LRRC7: variants seen among roughly 807,000 people sequenced by gnomAD.
The protein encoded by LRRC7 is leucine rich repeat containing 7.
LRRC7 carries 23 observed loss-of-function variants against 175.7 expected under a neutral mutation model. That is an observed-to-expected ratio of 0.13 (90% confidence interval 0.09 to 0.19). LRRC7 has a LOEUF of 0.19. Among genes scored for constraint, LRRC7 ranks in the 10% least tolerant of loss-of-function variants. LRRC7 has a pLI of 1.00. For missense variants in LRRC7, 1,354 were observed against 1,904.7 expected (o/e 0.71, Z 5.38); for synonymous variants, 685 against 680.9 (o/e 1.01, Z -0.09).
At chr1:69,739,558 G>A (rs780420209) in intron 2 of LRRC7, among the ~76,000 whole-genome samples, 27 of 152,022 alleles carry the variant, frequency 1.8e-4, no homozygotes, top group Admixed American at 2.6e-4. Flanking sequence ...ATAAGATTGG[G>A]AGCACACTTT....
Position 70,140,504 on chromosome 1 carries a change from A to C in LRRC7, c.*18617A>C, listed in dbSNP as rs888480740. 6.6e-6 allele frequency: 1 copy of C among 152,148 alleles called. No homozygotes were observed. The highest frequency in any genetic ancestry group is 2.4e-5 in the African/African-American group (1 of 41,444). 9.4% of individuals were successfully genotyped at this position (152,148 alleles called of 1,614,324 possible). On this transcript the variant is annotated 3_prime_UTR_variant, in exon 27 of 27. Coordinates refer to ENST00000651989, the MANE Select transcript of LRRC7 (RefSeq NM_001370785.2). ...TACATTTAATCCTTGGCTTCTTGTC[A>C]TATTTTCATTTTTCTGCACTGGTTC...
At chr1:69,633,799 A>C (rs1652890315) in intron 1 of LRRC7, among the ~76,000 whole-genome samples, 1 of 152,174 alleles carries the variant, frequency 6.6e-6, no homozygotes, top group Non-Finnish European at 1.5e-5. Context: ...TTTTTAATCT[A>C]GGGCCTGCCA....
chr1:69,624,906 T>C (rs1256470346), intron 1 of LRRC7, among the ~76,000 whole-genome samples: 1 of 152,164 alleles, frequency 6.6e-6, no homozygotes, highest in Non-Finnish European at 1.5e-5. Context: ...TGTAACCTTA[T>C]ATTAATTTAT....
chr1:69,758,603 C>G (rs1039441701), intron 2 of LRRC7, among the ~76,000 whole-genome samples: 1 of 151,946 alleles, frequency 6.6e-6, no homozygotes, highest in Non-Finnish European at 1.5e-5. Flanking sequence ...TATTTCATCA[C>G]CCAGATAATG....
chr1:70,113,324 AAAAC>A (rs1206176225), intron 26 of LRRC7, among the ~76,000 whole-genome samples: 2 of 152,300 alleles, frequency 1.3e-5, no homozygotes, highest in Non-Finnish European at 2.9e-5. Context: ...CATAAGCTAG[AAAAC>A]AAACAAAGTG....
rs1287655432 is a variant in LRRC7, at chr1:70,135,619, G to C, written c.*13732G>C. On this transcript the variant is annotated 3_prime_UTR_variant, in exon 27 of 27. Coordinates refer to ENST00000651989, the MANE Select transcript of LRRC7 (RefSeq NM_001370785.2). ...TGTGTCACCTCCCTGACAAATAAGT[G>C]AATATCCATCATATTCAAGACTTCA... Among the ~76,000 whole-genome samples, 1 of 152,144 alleles carries C rather than the reference G, an allele frequency of 6.6e-6. No homozygotes were observed. Among genetic ancestry groups the C allele is most frequent in the African/African-American group, 2.4e-5 (1 of 41,418 alleles).
chr1:69,713,533 T>TA (rs34473916), intron 2 of LRRC7, among the ~76,000 whole-genome samples: 1 of 151,992 alleles, frequency 6.6e-6, no homozygotes, highest in Non-Finnish European at 1.5e-5. Flanking sequence ...CTTTTTTTTT[T>TA]AACTATGAGA....
At chr1:69,701,511 A>G (rs979324536) in intron 2 of LRRC7, among the ~76,000 whole-genome samples, 7 of 152,050 alleles carry the variant, frequency 4.6e-5, no homozygotes, top group Admixed American at 4.6e-4. Context: ...AAAAAACCAT[A>G]CACTTCCATT....
In LRRC7 at chr1:70,132,007, TTAA is replaced by T. The variant is rs376382279; in HGVS notation, c.*10124_*10126del. On this transcript the variant is annotated 3_prime_UTR_variant, in exon 27 of 27. Transcript: ENST00000651989. ...AGACTAGGGCTGGGAAAGAGGGGAA[TTAA>T]TAAGTTATTAAGGAAGAAAGAATGA... Among the ~76,000 whole-genome samples, 128 of 152,128 alleles carry T rather than the reference TTAA, an allele frequency of 8.4e-4. No individual in the cohort carries two copies. Among genetic ancestry groups the T allele is most frequent in the African/African-American group, 2.4e-3 (101 of 41,508 alleles).
In LRRC7 at chr1:69,832,517, C is replaced by G. The variant is rs192079810; in HGVS notation, c.501-2263C>G. 5.9e-5 allele frequency among the ~76,000 whole-genome samples: 9 copies of G among 152,118 alleles called. No homozygotes were observed. In the East Asian group the frequency reaches 1.5e-3, roughly 26 times the overall value. On this transcript the variant is annotated intron_variant, in intron 5 of 26. Transcript: ENST00000651989. ...TTCACAGAAAAGGAAACAAATCTTG[C>G]TAATAAACTTTTATTCCTAACTAAT...
chr1:69,639,842 A>T (rs1256337129), intron 1 of LRRC7, among the ~76,000 whole-genome samples: 1 of 151,832 alleles, frequency 6.6e-6, no homozygotes, highest in Non-Finnish European at 1.5e-5. Context: ...ACTTTCAAGA[A>T]TCATAGTTAC....
At chr1:69,854,925 T>A (rs761500242) in intron 7 of LRRC7, among the ~76,000 whole-genome samples, 1 of 152,090 alleles carries the variant, frequency 6.6e-6, no homozygotes, top group African/African-American at 2.4e-5. Flanking sequence ...GGCTTTAGAG[T>A]GCAGCAAACA....
rs567510986 is a variant in LRRC7, at chr1:69,621,548, T to A, written c.2+52907T>A. On this transcript the variant is annotated intron_variant, in intron 1 of 26. Transcript: ENST00000651989. ...TTTCTCTCCCTAGAAAATTTCCTAG[T>A]TGAAATATCATAGTTGTTTAATAAT... 4.9e-4 allele frequency among the ~76,000 whole-genome samples: 75 copies of A among 152,334 alleles called. No homozygotes were observed. In the Middle Eastern group the frequency reaches 0.034, roughly 69 times the overall value.
At chr1:69,870,817 A>G (rs1027237902) in intron 7 of LRRC7, among the ~76,000 whole-genome samples, 4 of 152,128 alleles carry the variant, frequency 2.6e-5, no homozygotes, top group Non-Finnish European at 4.4e-5. Context: ...GCCATAGATA[A>G]TTATGCTTCC....
chr1:69,750,927 C>T (rs1208713937), intron 2 of LRRC7, among the ~76,000 whole-genome samples: 2 of 152,160 alleles, frequency 1.3e-5, no homozygotes, highest in African/African-American at 2.4e-5. Context: ...CAAACCATAG[C>T]AATTTCCATG....
At chr1:69,925,669 G>A (rs574273750) in intron 7 of LRRC7, among the ~76,000 whole-genome samples, 13 of 152,090 alleles carry the variant, frequency 8.5e-5, no homozygotes, top group African/African-American at 1.4e-4. Flanking sequence ...TTTTTATTGC[G>A]TCTATTTGAT....
At chr1:69,667,534 T>A (rs1658440315) in intron 1 of LRRC7, among the ~76,000 whole-genome samples, 1 of 152,222 alleles carries the variant, frequency 6.6e-6, no homozygotes, top group Non-Finnish European at 1.5e-5. Flanking sequence ...TCTTGCTGAA[T>A]TCATCCCTTT....
chr1:70,115,747 A>G (rs1288693014), intron 26 of LRRC7, among the ~76,000 whole-genome samples: 1 of 152,238 alleles, frequency 6.6e-6, no homozygotes, highest in Non-Finnish European at 1.5e-5. Flanking sequence ...AGAGATAAAA[A>G]GAGCTGAATA....
chr1:70,113,483 A>G (rs1665651759), intron 26 of LRRC7, among the ~76,000 whole-genome samples: 1 of 152,190 alleles, frequency 6.6e-6, no homozygotes, highest in Non-Finnish European at 1.5e-5. Context: ...CTCCAGACTC[A>G]TTGCCAGAAG....
Sources: gnomAD v4.1 joint callset for allele counts (sites outside exome capture counted in the v4.1 genomes callset) on GRCh38, gnomAD v4.1.1 for gene constraint, MANE v1.5 for transcripts, NCBI Gene and HGNC (gene_info 2026-07-23, HGNC 2026-07-21) for gene names.